The following UMAD1 variants were observed in gnomAD, a reference collection of about 807,000 sequenced individuals.
UMAD1 encodes UBAP1-MVB12-associated (UMA) domain containing 1, also known as UBAP1-MVB12-associated (UMA)-domain containing protein 1.
UMAD1 carries 8 observed loss-of-function variants against 6.1 expected under a neutral mutation model. That is an observed-to-expected ratio of 1.30 (90% CI 0.76 to 2.35). The LOEUF (loss-of-function observed/expected upper bound fraction) is 2.35. Among genes scored for constraint, UMAD1 ranks in the 30% most tolerant of loss-of-function variants. The pLI is 0.00. For missense variants in UMAD1, 130 were observed against 78.4 expected (o/e 1.66, Z -2.49); for synonymous variants, 56 against 31.4 (o/e 1.78, Z -2.61).
chr7:7,811,836 C>T (rs1783026781), intron 3 of UMAD1, among the ~76,000 whole-genome samples: 2 of 152,106 alleles, frequency 1.3e-5, no homozygotes, highest in African/African-American at 2.4e-5. Flanking sequence ...CTTGCTCTTC[C>T]TAAGAGTGTT....
intron 3 of UMAD1, among the ~76,000 whole-genome samples, chr7:7,860,287 A>C (rs973231721): frequency 1.1e-4 from 17 of 152,284 alleles, no homozygotes; most frequent in Non-Finnish European, 1.2e-4. Flanking sequence ...AAAATGTACA[A>C]ATTTATCTTA....
Position 7,731,682 on chromosome 7 carries a change from T to A in UMAD1, c.82+58229T>A, listed in dbSNP as rs112462753. On this transcript the variant is annotated intron_variant, in intron 2 of 3. Transcript: ENST00000682710. Reference sequence around the variant, plus strand: ...CAATAAAAGAGAGTTTTCAGAAAAATTTTTTTTAAAGAATAGAAATCTCTT... The same window carrying A: ...CAATAAAAGAGAGTTTTCAGAAAAAATTTTTTTAAAGAATAGAAATCTCTT... Among the ~76,000 whole-genome samples the A allele has an allele frequency of 1.9e-3, 294 of 152,142 alleles. 2 individuals carry two copies. Among genetic ancestry groups the A allele is most frequent in the African/African-American group, 6.6e-3 (272 of 41,516 alleles).
chr7:7,779,044 C>T (rs1782284346), intron 2 of UMAD1, among the ~76,000 whole-genome samples: 1 of 152,044 alleles, frequency 6.6e-6, no homozygotes, highest in Non-Finnish European at 1.5e-5. Flanking sequence ...AAATAATTTG[C>T]CTAAGGTCAC....
At position 7,875,092 on chromosome 7, in the gene UMAD1, C is replaced by T. The variant is rs142655261; in HGVS notation, c.157-2189C>T. Among the ~76,000 whole-genome samples the T allele has an allele frequency of 5.5e-3, 839 of 152,216 alleles. 4 individuals carry two copies. The highest frequency in any genetic ancestry group is 0.01 in the Middle Eastern group (3 of 294). On this transcript the variant is annotated intron_variant, in intron 3 of 3. Transcript: ENST00000682710. Reference sequence around the variant, plus strand: ...CCCGGCCCAGAAAATTATTCTTCTCCTTTAGACTTACAGTCTAAGAATTTG... The same window carrying T: ...CCCGGCCCAGAAAATTATTCTTCTCTTTTAGACTTACAGTCTAAGAATTTG...
intron 1 of UMAD1, among the ~76,000 whole-genome samples, chr7:7,648,743 CT>C (rs1268348567): frequency 7.2e-5 from 11 of 152,030 alleles, no homozygotes; most frequent in Admixed American, 2.6e-4. Context: ...GTCCTAGCTA[CT>C]TGGGAGGCTG....
In UMAD1 at chr7:7,821,749, T is replaced by G. The variant is rs375274547; in HGVS notation, c.156+20006T>G. ...ACTGCTTTGCGGTTGTGCAGCCAAA[T>G]GAGTGAACTGTACCTACTGTTTCTC... On this transcript the variant is annotated intron_variant, in intron 3 of 3. Coordinates refer to ENST00000682710, the MANE Select transcript of UMAD1 (RefSeq NM_001302348.2). 6.4e-4 allele frequency among the ~76,000 whole-genome samples: 97 copies of G among 152,314 alleles called. 1 individual carries two copies. The Middle Eastern group carries it at 0.01, about 16-fold the overall frequency.
intron 3 of UMAD1, among the ~76,000 whole-genome samples, chr7:7,846,541 A>G (rs1439043671): frequency 1.3e-5 from 2 of 152,176 alleles, no homozygotes; most frequent in Non-Finnish European, 2.9e-5. Flanking sequence ...AGATGATACT[A>G]TCTTAAAAAG....
intron 2 of UMAD1, among the ~76,000 whole-genome samples, chr7:7,782,990 C>T (rs979960721): frequency 2.0e-5 from 3 of 152,202 alleles, no homozygotes; most frequent in Admixed American, 6.5e-5. Context: ...CCCTCAGCCT[C>T]CCAAAGCACT....
At chr7:7,823,719 T>C (rs1050868621) in intron 3 of UMAD1, among the ~76,000 whole-genome samples, 1 of 152,186 alleles carries the variant, frequency 6.6e-6, no homozygotes, top group African/African-American at 2.4e-5. Flanking sequence ...CACAATAATA[T>C]GTTTAAAGAT....
intron 3 of UMAD1, among the ~76,000 whole-genome samples, chr7:7,863,794 A>G (rs1250587292): frequency 6.6e-6 from 1 of 152,150 alleles, no homozygotes; most frequent in East Asian, 1.9e-4. Context: ...CCACTGTCCC[A>G]TGTCTACATC....
At chr7:7,694,644 T>C (rs1373770432) in intron 2 of UMAD1, among the ~76,000 whole-genome samples, 8 of 152,130 alleles carry the variant, frequency 5.3e-5, no homozygotes, top group Admixed American at 2.6e-4. Context: ...GTGAAGTTTA[T>C]CTCTCTCTGC....
At chr7:7,730,888 C>T (rs918371847) in intron 2 of UMAD1, among the ~76,000 whole-genome samples, 5 of 152,026 alleles carry the variant, frequency 3.3e-5, no homozygotes, top group Admixed American at 6.5e-5. Context: ...GAAGCAGTGG[C>T]GGGAATGGTG....
At chr7:7,720,352 C>T (rs1475155285) in intron 2 of UMAD1, among the ~76,000 whole-genome samples, 5 of 152,112 alleles carry the variant, frequency 3.3e-5, no homozygotes, top group Non-Finnish European at 5.9e-5. Flanking sequence ...TTGTCAGAAG[C>T]GAATAACCCT....
intron 3 of UMAD1, among the ~76,000 whole-genome samples, chr7:7,837,803 G>T (rs1783600439): frequency 6.6e-6 from 1 of 152,072 alleles, no homozygotes; most frequent in Admixed American, 6.6e-5. Context: ...AGATAGACTA[G>T]CTTTAAAAAT....
intron 2 of UMAD1, among the ~76,000 whole-genome samples, chr7:7,737,877 A>G (rs1781390891): frequency 6.6e-6 from 1 of 152,208 alleles, no homozygotes; most frequent in African/African-American, 2.4e-5. Context: ...ATTAAATGAG[A>G]TAGTACATGC....
intron 3 of UMAD1, among the ~76,000 whole-genome samples, chr7:7,817,231 C>T (rs946399134): frequency 1.3e-5 from 2 of 152,196 alleles, no homozygotes; most frequent in Admixed American, 6.5e-5. Flanking sequence ...GCCATTTAGT[C>T]TCCCCTCTGG....
intron 1 of UMAD1, among the ~76,000 whole-genome samples, chr7:7,653,635 G>A (rs993549170): frequency 6.6e-6 from 1 of 152,194 alleles, no homozygotes; most frequent in Non-Finnish European, 1.5e-5. Flanking sequence ...CTGAAGAAAA[G>A]GGCAGTATTC....
intron 2 of UMAD1, among the ~76,000 whole-genome samples, chr7:7,773,309 AC>A (rs774169435): frequency 3.3e-5 from 5 of 152,354 alleles, no homozygotes; most frequent in Non-Finnish European, 5.9e-5. Context: ...GCTTTTTAAG[AC>A]CAGAAACCAT....
rs372538390 is a variant in UMAD1 at position 7,877,241 on chromosome 7, G to A, written c.157-40G>A. The A allele has an allele frequency of 2.6e-5, 18 of 692,474 alleles. 1 individual carries two copies. Among genetic ancestry groups the A allele is most frequent in the African/African-American group, 1.4e-4 (8 of 56,790 alleles). The allele number at this position is 692,474 out of a possible 1,614,324, so 42.9% of individuals were successfully genotyped here. A position where few individuals can be genotyped will look rare whatever the true frequency, so the allele number is the denominator to read the frequency against. On this transcript the variant is annotated intron_variant, in intron 3 of 3. Coordinates refer to ENST00000682710, the MANE Select transcript of UMAD1 (RefSeq NM_001302348.2). ...ACATTTACCGTTATTCAACCTCAAA[G>A]TTCACAAGGCCTAAATGTTTTAAAT... is the stretch of plus-strand genomic sequence containing the variant.
Sources: allele counts gnomAD v4.1 joint callset (sites outside exome capture counted in the v4.1 genomes callset), GRCh38; gene constraint gnomAD v4.1.1; transcripts MANE v1.5; gene names NCBI Gene and HGNC (gene_info 2026-07-23, HGNC 2026-07-21).